Variants in STIM1 observed in about 807,000 individuals in gnomAD.
The protein encoded by STIM1 is stromal interaction molecule 1.
Under a neutral mutation model 74.7 loss-of-function variants are expected in STIM1, and 25 were observed. That is an observed-to-expected ratio of 0.33 (90% CI 0.24 to 0.47). The LOEUF (loss-of-function observed/expected upper bound fraction) is 0.47. Ranked by LOEUF, STIM1 falls within the 20% of genes least tolerant of loss-of-function variation. The probability of loss-of-function intolerance (pLI) is 1.00; values close to 1 mark genes in which losing one functional copy is unlikely to be tolerated. For synonymous variants in STIM1, 328 were observed against 348.8 expected (o/e 0.94, Z 0.66); for missense variants, 728 against 920.8 (o/e 0.79, Z 2.71).
At position 3,880,985 on chromosome 11, in the gene STIM1, A is replaced by G. The variant is rs1387129199; in HGVS notation, c.139+24576A>G. Among the ~76,000 whole-genome samples the G allele has an allele frequency of 2.6e-5, 4 of 152,204 alleles. No individual in the cohort carries two copies. The East Asian group carries it at 7.7e-4, about 29-fold the overall frequency. On this transcript the variant is annotated intron_variant, in intron 1 of 12. Transcript: ENST00000526596. ...TAAAATGGCAGGTTTGGACGGCTGC[A>G]GGATGGGAGAGCAGGCTTCCTGAAG...
At chr11:4,091,207 C>G in intron 12 of STIM1, 75 bp from the exon 13 acceptor site, 1 of 1,602,918 alleles carries the variant, frequency 6.2e-7, no homozygotes, top group East Asian at 2.2e-5. Context: ...TGTTGTCCCT[C>G]TCTCCTCTTC....
intron 7 of STIM1, among the ~76,000 whole-genome samples, chr11:4,077,511 T>G (rs1053695063): frequency 6.6e-6 from 1 of 152,110 alleles, no homozygotes; most frequent in African/African-American, 2.4e-5. Context: ...TATAAAAAAT[T>G]TAAAAACATG....
chr11:4,029,711 G>A (rs2094031849), intron 3 of STIM1, among the ~76,000 whole-genome samples: 1 of 152,172 alleles, frequency 6.6e-6, no homozygotes, highest in African/African-American at 2.4e-5. Context: ...AGCTGCCGAG[G>A]ATAGGCTCCA....
intron 5 of STIM1, among the ~76,000 whole-genome samples, chr11:4,068,740 G>A (rs981207573): frequency 3.9e-5 from 6 of 152,148 alleles, no homozygotes; most frequent in Non-Finnish European, 7.4e-5. Flanking sequence ...GTGTTAATCT[G>A]TCTTTGATCC....
chr11:3,941,696 AGT>A (rs61374697), intron 1 of STIM1, among the ~76,000 whole-genome samples: 25 of 141,884 alleles, frequency 1.8e-4, no homozygotes, highest in African/African-American at 3.7e-4. Context: ...AGAGAGAGAG[AGT>A]GTGTGTGTGT....
intron 1 of STIM1, among the ~76,000 whole-genome samples, chr11:3,909,600 G>A (rs1195308465): frequency 8.5e-5 from 13 of 152,146 alleles, no homozygotes; most frequent in Admixed American, 2.6e-4. Flanking sequence ...TGAGGCGGGC[G>A]GATCACGAGG....
At chr11:4,002,628 GA>G (rs2093730485) in intron 2 of STIM1, among the ~76,000 whole-genome samples, 2 of 149,554 alleles carry the variant, frequency 1.3e-5, no homozygotes, top group Non-Finnish European at 3.0e-5. Flanking sequence ...GCCCACAAGA[GA>G]AAGCAGGAAA....
chr11:3,990,997 C>T (rs552625064), intron 2 of STIM1, among the ~76,000 whole-genome samples: 1 of 152,148 alleles, frequency 6.6e-6, no homozygotes, highest in Admixed American at 6.5e-5. Context: ...ATCTATTGTT[C>T]ACATCTTTGT....
At chr11:4,004,328 T>C in intron 2 of STIM1, among the ~76,000 whole-genome samples, 1 of 151,888 alleles carries the variant, frequency 6.6e-6, no homozygotes, top group Non-Finnish European at 1.5e-5. Flanking sequence ...CTACCTGACT[T>C]CAAACTATAC....
At chr11:3,865,815 T>C (rs548217530) in intron 1 of STIM1, among the ~76,000 whole-genome samples, 19 of 152,290 alleles carry the variant, frequency 1.2e-4, no homozygotes, top group African/African-American at 4.6e-4. Context: ...ACCTGGAAAG[T>C]GCCAAGGGGA....
intron 12 of STIM1, 45 bp from the exon 13 acceptor site, chr11:4,091,237 A>G (rs766780444): frequency 6.2e-7 from 1 of 1,612,456 alleles, no homozygotes; most frequent in South Asian, 1.1e-5. Flanking sequence ...CTATCACCTC[A>G]TCCAATATAT....
At chr11:3,871,918 T>G (rs2091110935) in intron 1 of STIM1, among the ~76,000 whole-genome samples, 1 of 152,232 alleles carries the variant, frequency 6.6e-6, no homozygotes, top group South Asian at 2.1e-4. Context: ...CAAATTTGAG[T>G]AATTTATCAT....
At chr11:3,904,218 A>AAAAAAC (rs2092420378) in intron 1 of STIM1, among the ~76,000 whole-genome samples, 1 of 148,622 alleles carries the variant, frequency 6.7e-6, no homozygotes, top group Non-Finnish European at 1.5e-5. Flanking sequence ...AAAAAAAAAA[A>AAAAAAC]AGAAAATATA....
chr11:4,088,901 G>C, intron 12 of STIM1: 2 of 703,530 alleles, frequency 2.8e-6, no homozygotes, highest in South Asian at 1.6e-5. Context: ...TCTTGCTTTG[G>C]CAGTCCCAAC....
chr11:4,051,687 C>T (rs1421127820), intron 3 of STIM1, among the ~76,000 whole-genome samples: 1 of 152,068 alleles, frequency 6.6e-6, no homozygotes, highest in Admixed American at 6.6e-5. Flanking sequence ...CACTCCGTCA[C>T]TCAGGCTAGA....
At position 3,856,136 on chromosome 11, in the gene STIM1, G is replaced by A. The variant is rs765343221; in HGVS notation, c.-135G>A. The A allele has an allele frequency of 1.7e-6, 2 of 1,204,120 alleles. No individual in the cohort carries two copies. Among genetic ancestry groups the A allele is most frequent in the South Asian group, 1.3e-5 (1 of 79,512 alleles). 74.6% of individuals were successfully genotyped at this position (1,204,120 alleles called of 1,614,324 possible). The stretch of plus-strand genomic sequence containing the variant: ...TTTGGCTGTTGGAGGGGGCAGGCTC[G>A]CGGGTGGCTGGACAGCTGCGGAGCC... On this transcript the variant is annotated 5_prime_UTR_variant, in exon 1 of 13. Transcript: ENST00000526596.
chr11:3,958,393 G>GTT (rs374790493), intron 1 of STIM1, among the ~76,000 whole-genome samples: 1 of 152,030 alleles, frequency 6.6e-6, no homozygotes, highest in African/African-American at 2.4e-5. Context: ...TTGTGTTAGT[G>GTT]TTGCTTGGGC....
chr11:4,009,431 G>A (rs1054960802), intron 2 of STIM1, among the ~76,000 whole-genome samples: 1 of 151,920 alleles, frequency 6.6e-6, no homozygotes, highest in Non-Finnish European at 1.5e-5. Flanking sequence ...TGGCCAACAT[G>A]CTGAAACCCT....
At chr11:3,951,611 T>G (rs1285569876) in intron 1 of STIM1, among the ~76,000 whole-genome samples, 1 of 152,156 alleles carries the variant, frequency 6.6e-6, no homozygotes, top group East Asian at 1.9e-4. Flanking sequence ...TTAGAGCCGC[T>G]GTGATTGGGA....
Sources: allele counts gnomAD v4.1 joint callset (sites outside exome capture counted in the v4.1 genomes callset), GRCh38; gene constraint gnomAD v4.1.1; transcripts MANE v1.5; gene names NCBI Gene and HGNC (gene_info 2026-07-23, HGNC 2026-07-21).